IFIH1: variants seen among roughly 807,000 people sequenced by gnomAD.
IFIH1 encodes interferon-induced helicase C domain-containing protein 1.
Under a neutral mutation model 107.4 loss-of-function variants are expected in IFIH1, and 125 were observed. The ratio of observed to expected loss-of-function variants is 1.16; its 90% confidence interval spans 1.01 to 1.35. The LOEUF is 1.35. Ranked by LOEUF, IFIH1 falls within the 40% of genes most tolerant of loss-of-function variation. IFIH1 has a pLI of 0.00. For missense variants in IFIH1, 1,333 were observed against 1,213.7 expected (o/e 1.10, Z -1.46); for synonymous variants, 458 against 413.2 (o/e 1.11, Z -1.31).
rs781129531 is a variant in IFIH1 at position 162,318,020 on chromosome 2, G to A, written c.288C>T (p.Asn96=). The change falls in exon 1 of 16, where the codon AAC becomes AAT. Residue 96 remains asparagine, a synonymous_variant. Transcript: ENST00000649979. ...GAGAGGGCAAGTCCGTGAGCTCAGG[G>A]TTCATGTAGCGGGCGGCCAGAGGGC... The part of the protein sequence containing the change: ...TGSPLAARYM[N]PELTDLPSPS... The A allele has an allele frequency of 3.4e-5, 55 of 1,614,074 alleles. No individual in the cohort carries two copies. Among genetic ancestry groups the A allele is most frequent in the Non-Finnish European group, 3.4e-6 (4 of 1,180,042 alleles).
chr2:162,310,293 T>C (rs542926215), intron 2 of IFIH1: 103 of 163,668 alleles, frequency 6.3e-4, no homozygotes, highest in Non-Finnish European at 1.2e-3. Flanking sequence ...AAATGTTATG[T>C]TATTACTATT....
chr2:162,312,533 T>G (rs1236691863), intron 1 of IFIH1, among the ~76,000 whole-genome samples: 4 of 152,176 alleles, frequency 2.6e-5, no homozygotes, highest in African/African-American at 9.7e-5. Context: ...ACTATAATTA[T>G]AGCTTATAAT....
chr2:162,276,735 G>A lies in IFIH1; in HGVS notation c.2256C>T (p.His752=), dbSNP rs1487834990. ...TGCTGTGTCCAGCTCCAATCAGATGGTGGGCTTTGACTCCTACTTCAGCAA... is the reference window on the plus strand; with the variant it reads ...TGCTGTGTCCAGCTCCAATCAGATGATGGGCTTTGACTCCTACTTCAGCAA... ...EKFAEVGVKA[H]HLIGAGHSSE... Residue 752 remains histidine, a synonymous_variant, in exon 11 of 16, where the codon CAC becomes CAT. Transcript: ENST00000649979. 3.1e-6 allele frequency: 5 copies of A among 1,613,860 alleles called. No individual in the cohort carries two copies. The highest frequency in any genetic ancestry group is 2.2e-5 in the East Asian group (1 of 44,880).
intron 13 of IFIH1, 27 bp from the exon 14 acceptor site, chr2:162,268,304 G>T (rs766412622): frequency 1.1e-5 from 17 of 1,478,798 alleles, no homozygotes; most frequent in Non-Finnish European, 1.4e-5. Flanking sequence ...ATAGTTAGTG[G>T]TTTCAGGTTT....
chr2:162,272,805 A>G (rs549207938), intron 12 of IFIH1, among the ~76,000 whole-genome samples: 2 of 152,266 alleles, frequency 1.3e-5, no homozygotes, highest in African/African-American at 4.8e-5. Flanking sequence ...GTGAGAAGGC[A>G]GGTCAGTTTC....
intron 4 of IFIH1, among the ~76,000 whole-genome samples, chr2:162,290,731 A>G (rs78771123): frequency 0.013 from 1,993 of 152,022 alleles, 34 homozygotes; most frequent in South Asian, 0.057. Flanking sequence ...GAGATTTGAT[A>G]GGTGGCCCTA....
At position 162,277,674 on chromosome 2, in the gene IFIH1, G is replaced by A. The variant is rs1205008848; in HGVS notation, c.1785C>T (p.Arg595=). ...AATGTTCTGCACAAACACGTTCTTT[G>A]CGATTTCCTTCTTTTGCAGCTGTGA... ...MEKKAAKEGN[R]KERVCAEHLR... is the part of the protein sequence containing the mutation. The change falls in exon 10 of 16, where the codon CGC becomes CGT. Residue 595 remains arginine (R), a synonymous_variant. Coordinates refer to ENST00000649979, the MANE Select transcript of IFIH1 (RefSeq NM_022168.4). 1 of 1,603,290 alleles carries A rather than the reference G, an allele frequency of 6.2e-7. No homozygotes were observed. The highest frequency in any genetic ancestry group is 1.7e-5 in the Admixed American group (1 of 58,180).
Position 162,281,368 on chromosome 2 carries a change from C to G in IFIH1, c.1484G>C (p.Gly495Ala), listed in dbSNP as rs1682804975. 1 of 1,612,580 alleles carries G rather than the reference C, an allele frequency of 6.2e-7. No individual in the cohort carries two copies. Among genetic ancestry groups the G allele is most frequent in the Non-Finnish European group, 8.5e-7 (1 of 1,179,050 alleles). ...TTCAGCTTTGGCTTGCTTCGTGGCC[C>G]CTCCAACACCAGGTGAAGCTGTTAG... is the stretch of plus-strand genomic sequence containing the variant. ...LGLTASPGVG[G>A]ATKQAKAEEH... Residue 495 changes from glycine (G) to alanine (A), a missense_variant, in exon 7 of 16, where the codon GGG becomes GCG. Physicochemically the swap from Gly to Ala is moderately conservative, Grantham distance 60 (BLOSUM62 0). Transcript: ENST00000649979.
intron 7 of IFIH1, 24 bp downstream of exon 7, chr2:162,281,304 G>C (rs371427355): frequency 7.6e-6 from 12 of 1,582,362 alleles, no homozygotes; most frequent in Non-Finnish European, 1.0e-5. Flanking sequence ...GCTTTCATTG[G>C]TTATACATAA....
At chr2:162,296,794 G>A (rs1346003647) in intron 3 of IFIH1, among the ~76,000 whole-genome samples, 1 of 152,042 alleles carries the variant, frequency 6.6e-6, no homozygotes, top group Non-Finnish European at 1.5e-5. Flanking sequence ...ACATTTAAGT[G>A]TCCACACCTC....
Position 162,280,063 on chromosome 2 carries a change from A to G in IFIH1, c.1574T>C (p.Leu525Pro), listed in dbSNP as rs1390303966. 6 of 1,610,952 alleles carry G rather than the reference A, an allele frequency of 3.7e-6. No homozygotes were observed. Among genetic ancestry groups the G allele is most frequent in the Non-Finnish European group, 5.1e-6 (6 of 1,177,834 alleles). ...CTGTATTTGGTTTTTCAGTTGATCA[A>G]GGTTTTCTTTAACAGTTTTAATAGT... Reference protein sequence around the residue: ...AFTIKTVKENLDQLKNQIQEP... With the variant: ...AFTIKTVKENPDQLKNQIQEP... The change falls in exon 8 of 16, where the codon CTT (leucine) becomes CCT (proline). Residue 525 changes from leucine (L) to proline (P), a missense_variant. Physicochemically the swap from Leu to Pro is moderately conservative, Grantham distance 98. Coordinates refer to ENST00000649979, the MANE Select transcript of IFIH1 (RefSeq NM_022168.4).
At chr2:162,290,740 T>C (rs1558870512) in intron 4 of IFIH1, among the ~76,000 whole-genome samples, 1 of 151,894 alleles carries the variant, frequency 6.6e-6, no homozygotes, top group African/African-American at 2.4e-5. Context: ...TAGGTGGCCC[T>C]AAGTTTAAAA....
At chr2:162,271,618 G>A (rs1691041383) in intron 13 of IFIH1, among the ~76,000 whole-genome samples, 1 of 152,184 alleles carries the variant, frequency 6.6e-6, no homozygotes, top group South Asian at 2.1e-4. Context: ...AGAAAAAAAA[G>A]AATTTCAAAA....
chr2:162,276,540 G>A (rs1682665648), intron 11 of IFIH1, 147 bp downstream of exon 11: 3 of 838,744 alleles, frequency 3.6e-6, no homozygotes, highest in East Asian at 2.7e-5. Flanking sequence ...AGGAGGTCAA[G>A]GGTGCAGTGA....
At chr2:162,285,514 A>G (rs1331989429) in intron 5 of IFIH1, among the ~76,000 whole-genome samples, 3 of 152,052 alleles carry the variant, frequency 2.0e-5, no homozygotes, top group Non-Finnish European at 4.4e-5. Flanking sequence ...AAGATGGTAT[A>G]GTAAACAATT....
chr2:162,288,245 G>A lies in IFIH1; in HGVS notation c.985C>T (p.Leu329Phe), dbSNP rs768197611. Residue 329 changes from leucine to phenylalanine, a missense_variant, in exon 5 of 16, where the codon CTC becomes TTC. Leu to Phe is a conservative substitution (Grantham distance 22). Transcript: ENST00000649979. ...ALEGKNIIICLPTGSGKTRVA... is the reference protein window; with the variant it reads ...ALEGKNIIICFPTGSGKTRVA... ...CTGGTTTTTCCACTCCCTGTAGGGA[G>A]GCAGATGATGATATTCTTCCCTTCC... is the stretch of plus-strand genomic sequence containing the variant. 6.2e-7 allele frequency: 1 copy of A among 1,612,554 alleles called. No individual in the cohort carries two copies. Among genetic ancestry groups the A allele is most frequent in the Non-Finnish European group, 8.5e-7 (1 of 1,178,998 alleles).
chr2:162,310,448 A>T (rs976964548), intron 2 of IFIH1: 2 of 430,886 alleles, frequency 4.6e-6, no homozygotes, highest in Admixed American at 8.1e-5. Flanking sequence ...CCACTAAAAT[A>T]CTTTCTTCCA....
chr2:162,284,057 T>C (rs540872935), intron 5 of IFIH1, among the ~76,000 whole-genome samples: 2 of 151,608 alleles, frequency 1.3e-5, no homozygotes, highest in Non-Finnish European at 2.9e-5. Context: ...AAATGCAGAC[T>C]CCTAAGTCCC....
intron 5 of IFIH1, among the ~76,000 whole-genome samples, chr2:162,286,706 A>G (rs1558869129): frequency 6.6e-6 from 1 of 151,948 alleles, no homozygotes. Flanking sequence ...CAGTTTAAGT[A>G]GCTTTGAATC....
Sources: gnomAD v4.1 joint callset for allele counts (sites outside exome capture counted in the v4.1 genomes callset) on GRCh38, gnomAD v4.1.1 for gene constraint, MANE v1.5 for transcripts, NCBI Gene and HGNC (gene_info 2026-07-23, HGNC 2026-07-21) for gene names.